The following SHISA6 variants were observed in gnomAD, a reference collection of about 807,000 sequenced individuals.
SHISA6 encodes the protein protein shisa-6.
SHISA6 carries 22 observed loss-of-function variants against 47.9 expected under a neutral mutation model. That is an observed-to-expected ratio of 0.46 (90% CI 0.33 to 0.66). SHISA6 has a LOEUF of 0.66. Ranked by LOEUF, SHISA6 falls within the 30% of genes least tolerant of loss-of-function variation. The pLI, the probability that SHISA6 is intolerant of heterozygous loss-of-function variation, is 0.02. For synonymous variants in SHISA6, 388 were observed against 337.8 expected (o/e 1.15, Z -1.63); for missense variants, 680 against 764.6 (o/e 0.89, Z 1.30).
chr17:11,466,400 G>A (rs2142317822), intron 3 of SHISA6, among the ~76,000 whole-genome samples: 1 of 152,264 alleles, frequency 6.6e-6, no homozygotes, highest in South Asian at 2.1e-4. Flanking sequence ...AAAGAGGCAA[G>A]CAGCCCCCCA....
chr17:11,427,812 A>G (rs1022461484), intron 3 of SHISA6, among the ~76,000 whole-genome samples: 2 of 152,102 alleles, frequency 1.3e-5, no homozygotes, highest in African/African-American at 4.8e-5. Context: ...TTTCACATGC[A>G]ATGCCTGGCA....
intron 2 of SHISA6, among the ~76,000 whole-genome samples, chr17:11,335,448 C>T (rs1316366440): frequency 6.6e-6 from 1 of 152,166 alleles, no homozygotes; most frequent in Non-Finnish European, 1.5e-5. Context: ...AGGCCCAAGG[C>T]CTCCAAAGGC....
intron 1 of SHISA6, among the ~76,000 whole-genome samples, chr17:11,254,254 T>A (rs1907923663): frequency 6.6e-6 from 1 of 152,186 alleles, no homozygotes; most frequent in Admixed American, 6.5e-5. Flanking sequence ...CTTGATGACC[T>A]TGGGTGAGTC....
At chr17:11,283,320 AT>A (rs1393594780) in intron 2 of SHISA6, among the ~76,000 whole-genome samples, 1 of 152,212 alleles carries the variant, frequency 6.6e-6, no homozygotes, top group African/African-American at 2.4e-5. Flanking sequence ...TTAATAGGTG[AT>A]TCTGTAAGGA....
chr17:11,258,983 G>A (rs919731460), intron 1 of SHISA6, among the ~76,000 whole-genome samples: 6 of 152,128 alleles, frequency 3.9e-5, no homozygotes, highest in African/African-American at 1.4e-4. Flanking sequence ...ATGGATGAAT[G>A]GATGGAGAGT....
At chr17:11,494,242 T>G (rs2071390189) in intron 3 of SHISA6, among the ~76,000 whole-genome samples, 1 of 152,116 alleles carries the variant, frequency 6.6e-6, no homozygotes, top group Non-Finnish European at 1.5e-5. Flanking sequence ...ACTCTCTTCC[T>G]ATTTCATTAG....
At chr17:11,448,335 G>C (rs932759072) in intron 3 of SHISA6, among the ~76,000 whole-genome samples, 1 of 152,098 alleles carries the variant, frequency 6.6e-6, no homozygotes, top group African/African-American at 2.4e-5. Context: ...TTCTAGACCA[G>C]CCTGGGCAAC....
At chr17:11,412,438 AACATAAATATGATTT>A (rs1169789488) in intron 3 of SHISA6, among the ~76,000 whole-genome samples, 8 of 152,214 alleles carry the variant, frequency 5.3e-5, no homozygotes, top group Non-Finnish European at 1.0e-4. Context: ...CTTGGTAAGA[AACATAAATATGATTT>A]TCATGTTAAA....
chr17:11,508,050 C>CT (rs2142352419), intron 3 of SHISA6, among the ~76,000 whole-genome samples: 1 of 152,376 alleles, frequency 6.6e-6, no homozygotes, highest in African/African-American at 2.4e-5. Context: ...AGGACCATCT[C>CT]TAAGCCTTCT....
At chr17:11,490,216 G>A (rs1008203272) in intron 3 of SHISA6, among the ~76,000 whole-genome samples, 4 of 152,196 alleles carry the variant, frequency 2.6e-5, no homozygotes, top group African/African-American at 7.2e-5. Flanking sequence ...GATGCATAGC[G>A]TGGGGCTGCA....
chr17:11,394,173 T>C (rs1913487941), intron 3 of SHISA6, among the ~76,000 whole-genome samples: 1 of 152,186 alleles, frequency 6.6e-6, no homozygotes, highest in Admixed American at 6.5e-5. Context: ...CTGGCACATA[T>C]TTGATGCCCA....
chr17:11,453,464 CA>C (rs1915455561), intron 3 of SHISA6, among the ~76,000 whole-genome samples: 2 of 152,120 alleles, frequency 1.3e-5, no homozygotes, highest in African/African-American at 4.8e-5. Context: ...TGCTTTTAAG[CA>C]TAATTCAAGC....
At chr17:11,373,963 T>C (rs1912707022) in intron 2 of SHISA6, among the ~76,000 whole-genome samples, 1 of 152,216 alleles carries the variant, frequency 6.6e-6, no homozygotes. Flanking sequence ...CATTCAACTT[T>C]ATTAGCCATT....
chr17:11,296,681 G>A (rs1461793185), intron 2 of SHISA6, among the ~76,000 whole-genome samples: 2 of 152,072 alleles, frequency 1.3e-5, no homozygotes, highest in East Asian at 3.9e-4. Flanking sequence ...GAAGTGATGG[G>A]GGGATGTCTC....
At chr17:11,430,409 G>A (rs758015624) in intron 3 of SHISA6, among the ~76,000 whole-genome samples, 9 of 152,182 alleles carry the variant, frequency 5.9e-5, no homozygotes, top group Non-Finnish European at 1.0e-4. Context: ...TTGAGTCTCT[G>A]AGGGACTATG....
chr17:11,405,874 T>C (rs562747255), intron 3 of SHISA6, among the ~76,000 whole-genome samples: 1 of 152,200 alleles, frequency 6.6e-6, no homozygotes, highest in East Asian at 1.9e-4. Flanking sequence ...CCAGAGTCGG[T>C]CTGTGATTCA....
chr17:11,395,851 G>A (rs1913554459), intron 3 of SHISA6, among the ~76,000 whole-genome samples: 1 of 152,074 alleles, frequency 6.6e-6, no homozygotes, highest in African/African-American at 2.4e-5. Flanking sequence ...CTTCTCTATT[G>A]TCTGATTGCA....
intron 3 of SHISA6, among the ~76,000 whole-genome samples, chr17:11,442,077 T>C (rs1323303900): frequency 2.0e-5 from 3 of 152,234 alleles, no homozygotes; most frequent in Admixed American, 6.5e-5. Context: ...TCTGGGTGTA[T>C]AGAGCCTTCT....
At chr17:11,392,025 G>A (rs946275323) in intron 3 of SHISA6, among the ~76,000 whole-genome samples, 6 of 152,126 alleles carry the variant, frequency 3.9e-5, no homozygotes, top group African/African-American at 1.2e-4. Flanking sequence ...CAGATTGTTC[G>A]TAGTTCATAC....
Sources: gnomAD v4.1 joint callset for allele counts (sites outside exome capture counted in the v4.1 genomes callset) on GRCh38, gnomAD v4.1.1 for gene constraint, MANE v1.5 for transcripts, NCBI Gene and HGNC (gene_info 2026-07-23, HGNC 2026-07-21) for gene names.